Variants in ZNF429 observed in about 807,000 individuals in gnomAD.
ZNF429 encodes the protein zinc finger protein 429.
Under a neutral mutation model 56.8 loss-of-function variants are expected in ZNF429, and 53 were observed. That is an observed-to-expected ratio of 0.93 (90% CI 0.75 to 1.17). ZNF429 has a LOEUF of 1.17. Ranked by LOEUF, ZNF429 falls within the 50% of genes most tolerant of loss-of-function variation. The pLI is 0.00. For missense variants in ZNF429, 849 were observed against 788.4 expected (o/e 1.08, Z -0.92); for synonymous variants, 278 against 264.7 (o/e 1.05, Z -0.49).
chr19:21,514,783 G>GAGACGGGGTT (rs1262117800), intron 1 of ZNF429, among the ~76,000 whole-genome samples: 2 of 151,548 alleles, frequency 1.3e-5, no homozygotes, highest in African/African-American at 4.9e-5. Flanking sequence ...ATTTTTAGTA[G>GAGACGGGGTT]AGACGGGGTT....
chr19:21,531,130 C>CAAAAAAAAA lies in ZNF429; in HGVS notation c.226+446_226+447insAAAAAAAAA. Among the ~76,000 whole-genome samples the CAAAAAAAAA allele has an allele frequency of 2.2e-3, 247 of 113,016 alleles. 16 individuals carry two copies. Among genetic ancestry groups the CAAAAAAAAA allele is most frequent in the Middle Eastern group, 9.3e-3 (2 of 214 alleles). 74.1% of individuals were successfully genotyped at this position (113,016 alleles called of 152,430 possible). Reference sequence around the variant, plus strand: ...TCAAAAAAAAAAAAAAAAAAAAAAACCAAAAAAAAAAAAACACCCGTCTTG... The same window carrying CAAAAAAAAA: ...TCAAAAAAAAAAAAAAAAAAAAAAACAAAAAAAAACAAAAAAAAAAAAACACCCGTCTTG... On this transcript the variant is annotated intron_variant, in intron 3 of 3. Coordinates refer to ENST00000358491, the MANE Select transcript of ZNF429 (RefSeq NM_001001415.4).
In ZNF429 at chr19:21,535,343, CCTT is replaced by C; in HGVS notation, c.227-936_227-934del. On this transcript the variant is annotated intron_variant, in intron 3 of 3. Coordinates refer to ENST00000358491, the MANE Select transcript of ZNF429 (RefSeq NM_001001415.4). ...TCTTTCTTTCTCTTTTCTTTTCTTT[CCTT>C]TCCTTTCTTTTCTTCTTTCTTTCTT... 6.0e-4 allele frequency among the ~76,000 whole-genome samples: 53 copies of C among 88,278 alleles called. 5 individuals carry two copies. The highest frequency in any genetic ancestry group is 2.0e-3 in the African/African-American group (48 of 24,374). 57.9% of individuals were successfully genotyped at this position (88,278 alleles called of 152,430 possible).
intron 3 of ZNF429, among the ~76,000 whole-genome samples, chr19:21,534,119 A>T: frequency 7.2e-5 from 11 of 152,230 alleles, no homozygotes; most frequent in African/African-American, 2.4e-4. Context: ...TTTATGATCA[A>T]ATTTTACAAT....
At chr19:21,506,081 G>A (rs781588253) in intron 1 of ZNF429, 2 of 196,906 alleles carry the variant, frequency 1.0e-5, no homozygotes, top group Admixed American at 5.4e-5. Context: ...GGGGCGTCAG[G>A]TGAGAATAGT....
intron 1 of ZNF429, among the ~76,000 whole-genome samples, chr19:21,511,439 G>T (rs2032465744): frequency 6.6e-6 from 1 of 151,972 alleles, no homozygotes; most frequent in African/African-American, 2.4e-5. Flanking sequence ...ATCCCAGACG[G>T]GGCAGTGGGG....
intron 1 of ZNF429, among the ~76,000 whole-genome samples, chr19:21,513,073 A>G (rs935200401): frequency 2.6e-5 from 4 of 151,816 alleles, no homozygotes; most frequent in African/African-American, 9.7e-5. Flanking sequence ...GGGTTTCACT[A>G]TGTCAGCCAG....
chr19:21,505,753 A>G lies in ZNF429; in HGVS notation c.-19A>G. On this transcript the variant is annotated 5_prime_UTR_variant, in exon 1 of 4. Transcript: ENST00000358491. ...GGAGATACACAGCTAAGACTCCAGG[A>G]CCCCCTGGAAGCCTAGAAATGGTGA... 1.2e-6 allele frequency: 2 copies of G among 1,609,594 alleles called. No individual in the cohort carries two copies. The highest frequency in any genetic ancestry group is 1.3e-5 in the African/African-American group (1 of 74,714).
intron 3 of ZNF429, among the ~76,000 whole-genome samples, chr19:21,536,066 G>T: frequency 6.6e-6 from 1 of 152,194 alleles, no homozygotes; most frequent in East Asian, 1.9e-4. Context: ...CACCTGGGGC[G>T]TTGTACACAT....
At chr19:21,535,494 T>C in intron 3 of ZNF429, among the ~76,000 whole-genome samples, 1 of 134,670 alleles carries the variant, frequency 7.4e-6, no homozygotes, top group East Asian at 2.1e-4. Flanking sequence ...CTTTCTTTCT[T>C]TCTTCTTTCT....
intron 1 of ZNF429, among the ~76,000 whole-genome samples, chr19:21,520,071 C>T (rs1255885138): frequency 6.6e-6 from 1 of 152,098 alleles, no homozygotes; most frequent in East Asian, 1.9e-4. Flanking sequence ...CTTGGCCAGG[C>T]TGGTCTCAAA....
intron 3 of ZNF429, among the ~76,000 whole-genome samples, chr19:21,534,014 G>T: frequency 6.6e-6 from 1 of 152,026 alleles, no homozygotes; most frequent in Non-Finnish European, 1.5e-5. Flanking sequence ...TGTCTTGTCA[G>T]TACCACATTG....
intron 1 of ZNF429, among the ~76,000 whole-genome samples, chr19:21,510,317 C>G (rs939934491): frequency 5.3e-5 from 8 of 152,072 alleles, no homozygotes; most frequent in African/African-American, 1.9e-4. Context: ...TTGGCTCAGA[C>G]GGAGGGCAGC....
chr19:21,538,631 T>A lies in ZNF429; in HGVS notation c.*553T>A, dbSNP rs1219169827. ...ATATAAATAAATAAAAGAAAGAAAA[T>A]TCATAGTAGAGAGAAACCTTACAAA... On this transcript the variant is annotated 3_prime_UTR_variant, in exon 4 of 4. Coordinates refer to ENST00000358491, the MANE Select transcript of ZNF429 (RefSeq NM_001001415.4). 1 of 152,006 alleles carries A rather than the reference T, an allele frequency of 6.6e-6. No homozygotes were observed. The highest frequency in any genetic ancestry group is 2.4e-5 in the African/African-American group (1 of 41,366). 9.4% of individuals were successfully genotyped at this position (152,006 alleles called of 1,614,324 possible). A position where few individuals can be genotyped will look rare whatever the true frequency, so the allele number is the denominator to read the frequency against.
chr19:21,519,342 T>G (rs1347487061), intron 1 of ZNF429, among the ~76,000 whole-genome samples: 3 of 152,196 alleles, frequency 2.0e-5, no homozygotes, highest in Non-Finnish European at 4.4e-5. Flanking sequence ...ATTCCTGTTT[T>G]TCATTTAAGC....
chr19:21,517,598 C>G (rs12974329), intron 1 of ZNF429, among the ~76,000 whole-genome samples: 2 of 149,962 alleles, frequency 1.3e-5, no homozygotes, highest in South Asian at 2.1e-4. Context: ...TTTACTAATT[C>G]AATTTTAGAG....
At chr19:21,512,243 A>C (rs893389805) in intron 1 of ZNF429, among the ~76,000 whole-genome samples, 1 of 152,150 alleles carries the variant, frequency 6.6e-6, no homozygotes, top group Non-Finnish European at 1.5e-5. Context: ...TGTGGCAGTG[A>C]GGACAATCAG....
chr19:21,506,714 G>A (rs1178452785), intron 1 of ZNF429, among the ~76,000 whole-genome samples: 1 of 119,628 alleles, frequency 8.4e-6, no homozygotes, highest in Non-Finnish European at 1.8e-5. Flanking sequence ...CCCTGTATTT[G>A]TTTTCCCCAG....
intron 3 of ZNF429, among the ~76,000 whole-genome samples, chr19:21,534,919 C>A: frequency 0.19 from 28,345 of 149,270 alleles, 2,762 homozygotes; most frequent in African/African-American, 0.21. Context: ...ACGCCATTCT[C>A]CTGCCTCAGC....
intron 1 of ZNF429, 89 bp downstream of exon 1, chr19:21,505,863 C>T (rs1429408848): frequency 1.4e-6 from 2 of 1,426,502 alleles, no homozygotes; most frequent in African/African-American, 1.4e-5. Flanking sequence ...GGTCTCCCGG[C>T]AGTCAGCTCC....
Sources: allele counts gnomAD v4.1 joint callset (sites outside exome capture counted in the v4.1 genomes callset), GRCh38; gene constraint gnomAD v4.1.1; transcripts MANE v1.5; gene names NCBI Gene and HGNC (gene_info 2026-07-23, HGNC 2026-07-21).